Variants in HUNK observed in about 807,000 individuals in gnomAD.
HUNK encodes hormonally up-regulated Neu-associated kinase.
In HUNK, 21 loss-of-function variants were observed where a neutral mutation model predicts 61.0. That is an observed-to-expected ratio of 0.34 (90% CI 0.24 to 0.50). The LOEUF (loss-of-function observed/expected upper bound fraction) is 0.50. Ranked by LOEUF, HUNK falls within the 20% of genes least tolerant of loss-of-function variation. The probability of loss-of-function intolerance (pLI) is 0.98; values close to 1 mark genes in which losing one functional copy is unlikely to be tolerated. For missense variants in HUNK, 772 were observed against 945.7 expected, an observed-to-expected ratio of 0.82 and a Z score of 2.41; for synonymous variants, 371 against 386.1, an observed-to-expected ratio of 0.96 and a Z score of 0.46.
At chr21:31,979,617 G>A (rs571414695) in intron 7 of HUNK, among the ~76,000 whole-genome samples, 6 of 137,922 alleles carry the variant, frequency 4.4e-5, no homozygotes, top group South Asian at 2.4e-4. Context: ...CTGGGTTCAC[G>A]CTATTCTCCA....
rs1394291298 is a variant in HUNK, at chr21:31,998,528, T to G, written c.1489T>G (p.Ser497Ala). Residue 497 changes from serine (S) to alanine (A), a missense_variant and splice_region_variant, in exon 11 of 11, where the codon TCC (serine) becomes GCC (alanine). Physicochemically the swap from Ser to Ala is moderately conservative, Grantham distance 99. This residue lies in a region of HUNK where 413 missense variants were observed against 444.4 expected (regional missense o/e 0.93). Transcript: ENST00000270112. ...GTTTATGCTTTCTTGGTGTGCAGAT[T>G]CCTTTGGCTGCCGCAATATTTTCCG... ...ASKSSFPDKD[S>A]FGCRNIFRKT... 6.3e-7 allele frequency: 1 copy of G among 1,579,648 alleles called. No individual in the cohort carries two copies. Among genetic ancestry groups the G allele is most frequent in the African/African-American group, 1.4e-5 (1 of 73,560 alleles).
At chr21:31,939,450 C>T (rs372820065) in intron 2 of HUNK, among the ~76,000 whole-genome samples, 2 of 132,296 alleles carry the variant, frequency 1.5e-5, no homozygotes, top group East Asian at 4.3e-4. Flanking sequence ...ATCTCATTGC[C>T]CAGGCTGGAG....
rs770618582 is a variant in HUNK at position 31,983,596 on chromosome 21, A to G, written c.1244A>G (p.Lys415Arg). 6.2e-7 allele frequency: 1 copy of G among 1,613,290 alleles called. No individual in the cohort carries two copies. The highest frequency in any genetic ancestry group is 8.5e-7 in the Non-Finnish European group (1 of 1,179,500). ...LYQIEKYRAP[K>R]ESYEASLDTW... is the part of the protein sequence containing the mutation. ...CAGATAGAAAAGTACAGGGCCCCCA[A>G]GGAGTCCTATGAGGTGAGTGACCCC... The change falls in exon 8 of 11, where the codon AAG becomes AGG. Residue 415 changes from lysine (K) to arginine (R), a missense_variant. This residue lies in a region of HUNK where 413 missense variants were observed against 444.4 expected (regional missense o/e 0.93). Transcript: ENST00000270112.
chr21:31,996,553 A>G (rs1274300273), intron 10 of HUNK, among the ~76,000 whole-genome samples: 1 of 152,184 alleles, frequency 6.6e-6, no homozygotes, highest in Non-Finnish European at 1.5e-5. Flanking sequence ...GACGAGTGCT[A>G]AAAGATGCAA....
intron 8 of HUNK, among the ~76,000 whole-genome samples, chr21:31,988,270 TATC>T (rs1193524773): frequency 1.3e-5 from 2 of 152,246 alleles, no homozygotes; most frequent in African/African-American, 2.4e-5. Flanking sequence ...GTGGGGAGGT[TATC>T]ATTTTAAATT....
chr21:31,934,006 C>T (rs1046862108), intron 2 of HUNK, among the ~76,000 whole-genome samples: 2 of 152,112 alleles, frequency 1.3e-5, no homozygotes, highest in African/African-American at 4.8e-5. Context: ...CCTTAAAGCA[C>T]GTCTCACACT....
At chr21:31,950,256 G>A (rs2052840345) in intron 4 of HUNK, among the ~76,000 whole-genome samples, 1 of 152,180 alleles carries the variant, frequency 6.6e-6, no homozygotes, top group Admixed American at 6.5e-5. Flanking sequence ...CAGATCCTAA[G>A]AATGAGAAGG....
intron 1 of HUNK, among the ~76,000 whole-genome samples, chr21:31,886,109 G>C (rs1601358745): frequency 6.6e-6 from 1 of 152,082 alleles, no homozygotes; most frequent in East Asian, 1.9e-4. Flanking sequence ...ACTTTAACTT[G>C]ATTACTTCTC....
At chr21:31,990,564 C>T (rs1399383707) in intron 9 of HUNK, among the ~76,000 whole-genome samples, 1 of 133,670 alleles carries the variant, frequency 7.5e-6, no homozygotes, top group African/African-American at 3.0e-5. Context: ...TTTATTGAGT[C>T]TCGCTCTGTC....
chr21:31,954,007 A>G (rs2052870690), intron 4 of HUNK, among the ~76,000 whole-genome samples: 1 of 152,214 alleles, frequency 6.6e-6, no homozygotes, highest in African/African-American at 2.4e-5. Flanking sequence ...GACCAGTGTA[A>G]TATGCAGTGA....
intron 4 of HUNK, among the ~76,000 whole-genome samples, chr21:31,955,804 A>T (rs536640501): frequency 6.6e-6 from 1 of 152,394 alleles, no homozygotes; most frequent in South Asian, 2.1e-4. Flanking sequence ...GTTAGGCATT[A>T]TGAAGCACTT....
intron 7 of HUNK, among the ~76,000 whole-genome samples, chr21:31,981,956 T>G (rs1173137690): frequency 1.3e-5 from 2 of 152,208 alleles, no homozygotes; most frequent in Non-Finnish European, 2.9e-5. Flanking sequence ...GATGTGCAGG[T>G]TTGTTACATA....
intron 1 of HUNK, among the ~76,000 whole-genome samples, chr21:31,893,358 T>C (rs1292491306): frequency 6.6e-6 from 1 of 152,204 alleles, no homozygotes; most frequent in African/African-American, 2.4e-5. Flanking sequence ...TCCCGATACA[T>C]GAATTTTCTT....
chr21:31,995,076 T>C (rs1442182600), intron 9 of HUNK, among the ~76,000 whole-genome samples: 2 of 149,624 alleles, frequency 1.3e-5, no homozygotes, highest in African/African-American at 4.9e-5. Flanking sequence ...GGAGGATCAC[T>C]TGAGCCCAGG....
chr21:31,910,255 T>C (rs535699601), intron 1 of HUNK, among the ~76,000 whole-genome samples: 1 of 152,134 alleles, frequency 6.6e-6, no homozygotes, highest in African/African-American at 2.4e-5. Context: ...GTAGGTTTGG[T>C]TTCTCCTGAG....
intron 2 of HUNK, 38 bp from the exon 3 acceptor site, chr21:31,940,127 T>A (rs2052760017): frequency 6.6e-7 from 1 of 1,511,338 alleles, no homozygotes; most frequent in African/African-American, 1.4e-5. Context: ...TTATTTCGAA[T>A]GCTTATCTGA....
intron 4 of HUNK, among the ~76,000 whole-genome samples, chr21:31,958,320 C>T (rs368387159): frequency 1.3e-4 from 19 of 146,002 alleles, no homozygotes; most frequent in East Asian, 4.2e-4. Context: ...TTTTTTGAGA[C>T]GGAATTTCAC....
chr21:31,883,579 T>G (rs901280787), intron 1 of HUNK, among the ~76,000 whole-genome samples: 1 of 152,190 alleles, frequency 6.6e-6, no homozygotes, highest in African/African-American at 2.4e-5. Flanking sequence ...TCCCCATTAT[T>G]CTTTCTCTTT....
At chr21:31,984,100 TAGAG>T (rs1254976981) in intron 8 of HUNK, among the ~76,000 whole-genome samples, 1 of 151,300 alleles carries the variant, frequency 6.6e-6, no homozygotes, top group Admixed American at 6.6e-5. Context: ...GAAGGGAGGG[TAGAG>T]AGAGGTTGCT....
Sources: allele counts gnomAD v4.1 joint callset (sites outside exome capture counted in the v4.1 genomes callset), GRCh38; gene constraint gnomAD v4.1.1; regional missense constraint gnomAD v4.1.1; transcripts MANE v1.5; gene names NCBI Gene and HGNC (gene_info 2026-07-23, HGNC 2026-07-21).